The following FBXW7 variants were observed in gnomAD, a reference collection of about 807,000 sequenced individuals.
FBXW7 encodes F-box and WD repeat domain containing 7, also known as F-box/WD repeat-containing protein 7.
FBXW7 carries 11 observed loss-of-function variants against 86.3 expected under a neutral mutation model. That is an observed-to-expected ratio of 0.13 (90% CI 0.08 to 0.21). FBXW7 has a LOEUF of 0.21. Ranked by LOEUF, FBXW7 falls within the 10% of genes least tolerant of loss-of-function variation. The pLI is 1.00. For missense variants in FBXW7, 488 were observed against 847.4 expected (o/e 0.58, Z 5.27); for synonymous variants, 313 against 297.9 (o/e 1.05, Z -0.52).
At chr4:152,332,747 C>A (rs2126550725) in intron 7 of FBXW7, 28 bp from the exon 8 acceptor site, 2 of 1,188,474 alleles carry the variant, frequency 1.7e-6, no homozygotes, top group Non-Finnish European at 2.2e-6. Flanking sequence ...AGTATAATAC[C>A]CATATTTAAA....
chr4:152,380,512 T>C (rs1734969613), intron 4 of FBXW7, among the ~76,000 whole-genome samples: 1 of 151,724 alleles, frequency 6.6e-6, no homozygotes, highest in Admixed American at 6.6e-5. Flanking sequence ...AGTTTTATTC[T>C]GCTATTACAA....
At chr4:152,387,794 C>T (rs1421448686) in intron 4 of FBXW7, among the ~76,000 whole-genome samples, 1 of 149,158 alleles carries the variant, frequency 6.7e-6, no homozygotes, top group Non-Finnish European at 1.5e-5. Context: ...CTGCAACCTC[C>T]GCCTCCCAGG....
At chr4:152,497,141 A>G (rs1746425306) in intron 2 of FBXW7, among the ~76,000 whole-genome samples, 1 of 151,912 alleles carries the variant, frequency 6.6e-6, no homozygotes, top group Non-Finnish European at 1.5e-5. Flanking sequence ...TGGACAACAC[A>G]GTGAAATCCC....
At chr4:152,523,221 CT>C (rs1463112146) in intron 2 of FBXW7, among the ~76,000 whole-genome samples, 2 of 151,936 alleles carry the variant, frequency 1.3e-5, no homozygotes, top group Non-Finnish European at 2.9e-5. Context: ...GTGGTATTAT[CT>C]TTTTTTCAAG....
intron 2 of FBXW7, among the ~76,000 whole-genome samples, chr4:152,514,079 G>A (rs537437786): frequency 2.0e-4 from 30 of 152,270 alleles, no homozygotes; most frequent in African/African-American, 6.7e-4. Flanking sequence ...GATATATTGT[G>A]TTAAATAAAA....
At chr4:152,376,552 T>C (rs1734535695) in intron 4 of FBXW7, among the ~76,000 whole-genome samples, 2 of 152,106 alleles carry the variant, frequency 1.3e-5, no homozygotes, top group Non-Finnish European at 1.5e-5. Flanking sequence ...AAACAACAAA[T>C]TAGGTTATGG....
At chr4:152,426,353 CT>C (rs112116648) in intron 2 of FBXW7, among the ~76,000 whole-genome samples, 57,722 of 142,968 alleles carry the variant, frequency 0.4, 12,097 homozygotes, top group African/African-American at 0.56. Flanking sequence ...TGGCTACAAA[CT>C]TTTTTTTTTT....
intron 6 of FBXW7, among the ~76,000 whole-genome samples, chr4:152,338,996 C>T (rs1390136607): frequency 6.6e-6 from 1 of 152,100 alleles, no homozygotes; most frequent in Non-Finnish European, 1.5e-5. Context: ...TAATTGACAA[C>T]AGATATATTA....
intron 2 of FBXW7, among the ~76,000 whole-genome samples, chr4:152,419,497 AC>A (rs1560874930): frequency 0.015 from 2,117 of 145,188 alleles, 27 homozygotes; most frequent in Middle Eastern, 0.038. Flanking sequence ...TAAGGTAAAC[AC>A]ACACACACAC....
At chr4:152,438,497 G>A (rs1390838377) in intron 2 of FBXW7, among the ~76,000 whole-genome samples, 5 of 152,074 alleles carry the variant, frequency 3.3e-5, no homozygotes, top group Admixed American at 6.5e-5. Context: ...GGCCAACATG[G>A]TGAAACACTG....
chr4:152,373,223 A>G (rs975112278), intron 4 of FBXW7, among the ~76,000 whole-genome samples: 1 of 152,062 alleles, frequency 6.6e-6, no homozygotes, highest in Middle Eastern at 3.2e-3. Flanking sequence ...CCTCACGTGT[A>G]AAACAGGTAA....
At chr4:152,490,251 T>C (rs982646733) in intron 2 of FBXW7, among the ~76,000 whole-genome samples, 1 of 152,058 alleles carries the variant, frequency 6.6e-6, no homozygotes, top group African/African-American at 2.4e-5. Flanking sequence ...TGGACAGAGA[T>C]GGATGGTTGC....
In FBXW7 at chr4:152,320,631, G is replaced by GA. The variant is rs1490465427; in HGVS notation, c.*2249dup. On this transcript the variant is annotated 3_prime_UTR_variant, in exon 14 of 14. Transcript: ENST00000281708. ...AGATTTGTTGAACAAAACGGCTACA[G>GA]AACAGTCAGAAAGTACCAGAAAAAT... 1 of 151,942 alleles carries GA rather than the reference G, an allele frequency of 6.6e-6. No homozygotes were observed. Among genetic ancestry groups the GA allele is most frequent in the Non-Finnish European group, 1.5e-5 (1 of 67,972 alleles). The allele number at this position is 151,942 out of a possible 1,614,324, so 9.4% of individuals were successfully genotyped here.
At chr4:152,353,019 C>T (rs1732010556) in intron 4 of FBXW7, 1 of 1,207,484 alleles carries the variant, frequency 8.3e-7, no homozygotes, top group Non-Finnish European at 1.0e-6. Context: ...ACACGACAGC[C>T]CCCTCTCCCC....
At chr4:152,425,864 C>T (rs577832578) in intron 2 of FBXW7, among the ~76,000 whole-genome samples, 1 of 152,270 alleles carries the variant, frequency 6.6e-6, no homozygotes, top group Admixed American at 6.5e-5. Context: ...GGGAGCTCTA[C>T]AAGGTGAACA....
chr4:152,363,780 G>A (rs2126708377), intron 4 of FBXW7, among the ~76,000 whole-genome samples: 1 of 152,172 alleles, frequency 6.6e-6, no homozygotes, highest in East Asian at 1.9e-4. Flanking sequence ...TCTGCAGAAA[G>A]TACTATTATT....
intron 4 of FBXW7, among the ~76,000 whole-genome samples, chr4:152,384,355 A>G (rs1735348751): frequency 6.6e-6 from 1 of 152,146 alleles, no homozygotes; most frequent in Admixed American, 6.6e-5. Context: ...TCTGAAAAAG[A>G]AGGAAATTCT....
In FBXW7 at chr4:152,485,849, A is replaced by G. The variant is rs1745289801; in HGVS notation, c.-120+49092T>C. Among the ~76,000 whole-genome samples, 9 of 152,212 alleles carry G rather than the reference A, an allele frequency of 5.9e-5. No individual in the cohort carries two copies. The South Asian group carries it at 1.9e-3, about 32-fold the overall frequency. On this transcript the variant is annotated intron_variant, in intron 2 of 13. Transcript: ENST00000281708. ...CAGACTGATTGAGTTCTCGCTGGCT[A>G]AATTTTAACAATTTGAGTCACCAAA...
At chr4:152,434,138 AG>A (rs1429076540) in intron 2 of FBXW7, among the ~76,000 whole-genome samples, 8 of 152,186 alleles carry the variant, frequency 5.3e-5, no homozygotes, top group African/African-American at 1.7e-4. Flanking sequence ...TTTTGGTGTG[AG>A]GGTCCTGGAA....
Sources: allele counts gnomAD v4.1 joint callset (sites outside exome capture counted in the v4.1 genomes callset), GRCh38; gene constraint gnomAD v4.1.1; transcripts MANE v1.5; gene names NCBI Gene and HGNC (gene_info 2026-07-23, HGNC 2026-07-21).